Variants in DSCAM observed in about 807,000 individuals in gnomAD.
The protein encoded by DSCAM is DS cell adhesion molecule, also known as cell adhesion molecule DSCAM.
A neutral mutation model predicts 217.7 loss-of-function variants in DSCAM; 47 were observed. The ratio of observed to expected loss-of-function variants is 0.22; its 90% CI spans 0.17 to 0.28. The LOEUF (loss-of-function observed/expected upper bound fraction) is 0.28. Among genes scored for constraint, DSCAM ranks in the 10% least tolerant of loss-of-function variants. DSCAM has a pLI of 1.00. For missense variants in DSCAM, 2,080 were observed against 2,618.3 expected, an observed-to-expected ratio of 0.79 and a Z score of 4.49; for synonymous variants, 1,056 against 1,015.3, an observed-to-expected ratio of 1.04 and a Z score of -0.76.
intron 11 of DSCAM, among the ~76,000 whole-genome samples, chr21:40,227,610 C>T (rs927907930): frequency 6.6e-6 from 1 of 152,088 alleles, no homozygotes; most frequent in African/African-American, 2.4e-5. Flanking sequence ...AGAGTACCAC[C>T]CCTTTCCCCC....
chr21:40,136,008 G>A (rs144279833), intron 18 of DSCAM, among the ~76,000 whole-genome samples: 11 of 152,336 alleles, frequency 7.2e-5, no homozygotes, highest in Non-Finnish European at 1.0e-4. Flanking sequence ...GAAGCAGACA[G>A]TTCTGTAGGC....
At chr21:40,243,709 A>T (rs1368628786) in intron 11 of DSCAM, among the ~76,000 whole-genome samples, 1 of 152,172 alleles carries the variant, frequency 6.6e-6, no homozygotes, top group Non-Finnish European at 1.5e-5. Flanking sequence ...GTATTCCATG[A>T]CTTCAGAGAA....
At chr21:40,276,323 A>G (rs548165237) in intron 10 of DSCAM, 53 bp from the exon 11 acceptor site, 1 of 1,515,940 alleles carries the variant, frequency 6.6e-7, no homozygotes, top group South Asian at 1.3e-5. Flanking sequence ...TAAGTATGGG[A>G]AGACAACGAG....
intron 11 of DSCAM, among the ~76,000 whole-genome samples, chr21:40,240,148 A>AC (rs1353509947): frequency 1.3e-5 from 2 of 151,976 alleles, no homozygotes; most frequent in South Asian, 2.1e-4. Flanking sequence ...GGGTCCCCAG[A>AC]CCCCACTTTG....
chr21:40,632,488 ACACT>A (rs769004779), intron 3 of DSCAM, among the ~76,000 whole-genome samples: 1 of 152,200 alleles, frequency 6.6e-6, no homozygotes, highest in African/African-American at 2.4e-5. Flanking sequence ...TTTTACACAC[ACACT>A]CAGTAACGAG....
At chr21:40,503,727 A>G (rs1027164287) in intron 3 of DSCAM, among the ~76,000 whole-genome samples, 3 of 152,218 alleles carry the variant, frequency 2.0e-5, no homozygotes, top group South Asian at 2.1e-4. Context: ...CCAGGGTCCT[A>G]TTTTCTCTGG....
At chr21:40,228,901 T>C (rs997212461) in intron 11 of DSCAM, among the ~76,000 whole-genome samples, 2 of 152,196 alleles carry the variant, frequency 1.3e-5, no homozygotes, top group African/African-American at 2.4e-5. Context: ...TACTAACACA[T>C]GTATATACAC....
chr21:40,631,663 G>A (rs978023074), intron 3 of DSCAM, among the ~76,000 whole-genome samples: 7 of 152,160 alleles, frequency 4.6e-5, no homozygotes, highest in Non-Finnish European at 1.0e-4. Context: ...AGCACATTTA[G>A]GTGGTGTTCC....
intron 6 of DSCAM, among the ~76,000 whole-genome samples, chr21:40,343,645 C>T (rs1193782113): frequency 1.3e-5 from 2 of 150,362 alleles, no homozygotes; most frequent in African/African-American, 4.9e-5. Context: ...AATTGATTTA[C>T]ACACACACAC....
chr21:40,665,759 T>C (rs1054963541), intron 3 of DSCAM, among the ~76,000 whole-genome samples: 5 of 152,210 alleles, frequency 3.3e-5, no homozygotes, highest in African/African-American at 1.2e-4. Flanking sequence ...TCCATGGCAA[T>C]GCCCAATCCA....
chr21:40,621,729 G>A (rs751559315), intron 3 of DSCAM, among the ~76,000 whole-genome samples: 6 of 151,896 alleles, frequency 4.0e-5, no homozygotes, highest in Non-Finnish European at 7.4e-5. Context: ...AGGGGAGTTC[G>A]TAAATTTATT....
At chr21:40,549,803 A>T (rs559377580) in intron 3 of DSCAM, among the ~76,000 whole-genome samples, 1 of 152,364 alleles carries the variant, frequency 6.6e-6, no homozygotes, top group Admixed American at 6.5e-5. Context: ...GTGGTGATGA[A>T]CAAACCTCTT....
At chr21:40,201,174 A>C (rs951313783) in intron 11 of DSCAM, among the ~76,000 whole-genome samples, 1 of 152,184 alleles carries the variant, frequency 6.6e-6, no homozygotes, top group African/African-American at 2.4e-5. Flanking sequence ...CAGCTTTTCC[A>C]GGCCCTTATG....
chr21:40,370,071 G>T (rs1399834196), intron 3 of DSCAM, among the ~76,000 whole-genome samples: 2 of 152,136 alleles, frequency 1.3e-5, no homozygotes, highest in Admixed American at 6.5e-5. Context: ...TCAAATATCA[G>T]TGTTAGTTTA....
At chr21:40,337,668 A>G (rs1036678427) in intron 8 of DSCAM, among the ~76,000 whole-genome samples, 17 of 152,220 alleles carry the variant, frequency 1.1e-4, no homozygotes, top group Admixed American at 5.9e-4. Context: ...TGACCTGCTC[A>G]TCTACAGAAG....
At chr21:40,159,000 G>A (rs934808910) in intron 16 of DSCAM, among the ~76,000 whole-genome samples, 6 of 152,192 alleles carry the variant, frequency 3.9e-5, no homozygotes, top group East Asian at 1.9e-4. Context: ...AGTGAAATAC[G>A]TTTGAAGGCA....
At chr21:40,181,259 G>A (rs573408821) in intron 14 of DSCAM, among the ~76,000 whole-genome samples, 1 of 152,072 alleles carries the variant, frequency 6.6e-6, no homozygotes, top group African/African-American at 2.4e-5. Context: ...CCTCCCATCA[G>A]GTCAATGTGC....
chr21:40,140,189 A>G (rs2090272150), intron 18 of DSCAM, among the ~76,000 whole-genome samples: 1 of 152,126 alleles, frequency 6.6e-6, no homozygotes, highest in South Asian at 2.1e-4. Flanking sequence ...AAGAGTGACC[A>G]TTCGCAGGCA....
At chr21:40,190,664 C>G (rs73904727) in intron 11 of DSCAM, among the ~76,000 whole-genome samples, 5,087 of 152,118 alleles carry the variant, frequency 0.033, 291 homozygotes, top group African/African-American at 0.12. Context: ...TGAAGGTGAC[C>G]GTAATTTGAT....
Sources: allele counts gnomAD v4.1 joint callset (sites outside exome capture counted in the v4.1 genomes callset), GRCh38; gene constraint gnomAD v4.1.1; transcripts MANE v1.5; gene names NCBI Gene and HGNC (gene_info 2026-07-23, HGNC 2026-07-21).